ZSWIM6: variants seen among roughly 807,000 people sequenced by gnomAD.
ZSWIM6 encodes zinc finger SWIM domain-containing protein 6.
A neutral mutation model predicts 113.2 loss-of-function variants in ZSWIM6; 9 were observed. The ratio of observed to expected loss-of-function variants is 0.08; its 90% confidence interval spans 0.05 to 0.14. ZSWIM6 has a LOEUF of 0.14. Among genes scored for constraint, ZSWIM6 ranks in the 10% least tolerant of loss-of-function variants. The pLI, the probability that ZSWIM6 is intolerant of heterozygous loss-of-function variation, is 1.00. For missense variants in ZSWIM6, 1,162 were observed against 1,552.2 expected (o/e 0.75, Z 4.22); for synonymous variants, 611 against 606.5 (o/e 1.01, Z -0.11).
At chr5:61,361,775 T>C (rs1024219115) in intron 1 of ZSWIM6, among the ~76,000 whole-genome samples, 2 of 152,238 alleles carry the variant, frequency 1.3e-5, no homozygotes, top group African/African-American at 4.8e-5. Context: ...TATTCTATTA[T>C]ACTTTATGTT....
chr5:61,364,002 C>G (rs1579954480), intron 1 of ZSWIM6, among the ~76,000 whole-genome samples: 1 of 109,936 alleles, frequency 9.1e-6, no homozygotes, highest in Non-Finnish European at 1.8e-5. Context: ...TTCCTTCTTT[C>G]TTTTCTTTTC....
At chr5:61,350,496 G>A (rs2112038655) in intron 1 of ZSWIM6, among the ~76,000 whole-genome samples, 1 of 152,198 alleles carries the variant, frequency 6.6e-6, no homozygotes, top group Non-Finnish European at 1.5e-5. Context: ...CTATTCAGAC[G>A]AAAAGGAAGC....
intron 1 of ZSWIM6, among the ~76,000 whole-genome samples, chr5:61,453,628 G>C (rs1003410853): frequency 1.3e-5 from 2 of 151,768 alleles, no homozygotes; most frequent in Non-Finnish European, 1.5e-5. Flanking sequence ...CACTTGCCTT[G>C]ACCTCCCAAA....
intron 4 of ZSWIM6, among the ~76,000 whole-genome samples, chr5:61,504,263 C>T (rs1291147436): frequency 6.6e-6 from 1 of 152,180 alleles, no homozygotes; most frequent in Non-Finnish European, 1.5e-5. Context: ...CACATGCACT[C>T]TGAAATACAA....
At chr5:61,380,814 T>TTATGGGCC (rs1332437351) in intron 1 of ZSWIM6, among the ~76,000 whole-genome samples, 4 of 152,156 alleles carry the variant, frequency 2.6e-5, no homozygotes, top group African/African-American at 9.7e-5. Context: ...ATAAAATCAT[T>TTATGGGCC]TATGGGCCGG....
At chr5:61,412,978 A>T (rs1579983153) in intron 1 of ZSWIM6, among the ~76,000 whole-genome samples, 1 of 146,930 alleles carries the variant, frequency 6.8e-6, no homozygotes, top group Admixed American at 6.7e-5. Context: ...TTTTTTTTTT[A>T]TTTCACTATT....
At chr5:61,356,006 T>G (rs1744899711) in intron 1 of ZSWIM6, among the ~76,000 whole-genome samples, 1 of 152,250 alleles carries the variant, frequency 6.6e-6, no homozygotes, top group Non-Finnish European at 1.5e-5. Context: ...CAGTTATGAT[T>G]TGATTACATA....
At chr5:61,333,230 C>T (rs1013623698) in intron 1 of ZSWIM6, among the ~76,000 whole-genome samples, 3 of 151,930 alleles carry the variant, frequency 2.0e-5, no homozygotes, top group Admixed American at 6.5e-5. Context: ...CCCTACCCGC[C>T]CTCCTCCGGG....
chr5:61,373,193 C>T (rs1391146795), intron 1 of ZSWIM6, among the ~76,000 whole-genome samples: 1 of 151,926 alleles, frequency 6.6e-6, no homozygotes, highest in Non-Finnish European at 1.5e-5. Context: ...GCAGTCCTCC[C>T]ACCTTGGCCT....
rs1217183233 is a variant in ZSWIM6, at chr5:61,355,429, A to AAAACACAC, written c.676+22483_676+22490dup. Among the ~76,000 whole-genome samples the AAAACACAC allele has an allele frequency of 3.1e-4, 33 of 107,540 alleles. 1 individual carries two copies. Among genetic ancestry groups the AAAACACAC allele is most frequent in the South Asian group, 8.6e-4 (3 of 3,480 alleles). The allele number at this position is 107,540 out of a possible 152,430, so 70.6% of individuals were successfully genotyped here. On this transcript the variant is annotated intron_variant, in intron 1 of 13. Coordinates refer to ENST00000252744, the MANE Select transcript of ZSWIM6 (RefSeq NM_020928.2). Reference sequence around the variant, plus strand: ...CAGTGCGAATCTCTTGAGAGACTTTAAAACACACACACACACACACACACA... The same window carrying AAAACACAC: ...CAGTGCGAATCTCTTGAGAGACTTTAAAACACACAAACACACACACACACACACACACA...
chr5:61,445,263 G>T (rs1746926776), intron 1 of ZSWIM6, among the ~76,000 whole-genome samples: 1 of 152,198 alleles, frequency 6.6e-6, no homozygotes, highest in South Asian at 2.1e-4. Flanking sequence ...ACCAGTCTTG[G>T]AAATTCAGTA....
intron 1 of ZSWIM6, among the ~76,000 whole-genome samples, chr5:61,340,591 A>G (rs907947836): frequency 1.3e-5 from 2 of 152,200 alleles, no homozygotes; most frequent in Non-Finnish European, 2.9e-5. Flanking sequence ...AGATAACTTC[A>G]ATTTCAGTTT....
At chr5:61,537,041 A>G (rs543800375) in intron 10 of ZSWIM6, among the ~76,000 whole-genome samples, 1 of 152,310 alleles carries the variant, frequency 6.6e-6, no homozygotes, top group African/African-American at 2.4e-5. Flanking sequence ...AATCTTAGGA[A>G]TTCTAATCTT....
rs1426242277 is a variant in ZSWIM6 at position 61,332,701 on chromosome 5, CGGCGGCGGCGCG to C, written c.440_451del (p.Ala147_Gly150del). On this transcript the variant is annotated inframe_deletion, in exon 1 of 14. Coordinates refer to ENST00000252744, the MANE Select transcript of ZSWIM6 (RefSeq NM_020928.2). ...GCGGCCCCGGCGACGACAGCGGTGG[CGGCGGCGGCGCG>C]GGCGGCGGCGGCGGCGGCGGCTCCT... 136 of 975,184 alleles carry C rather than the reference CGGCGGCGGCGCG, an allele frequency of 1.4e-4. 1 individual carries two copies. In the African/African-American group the frequency reaches 2.2e-3, roughly 16 times the overall value. The allele number at this position is 975,184 out of a possible 1,614,324, so 60.4% of individuals were successfully genotyped here. A position where few individuals can be genotyped will look rare whatever the true frequency, so the allele number is the denominator to read the frequency against.
chr5:61,337,288 A>G (rs1363341704), intron 1 of ZSWIM6, among the ~76,000 whole-genome samples: 1 of 152,088 alleles, frequency 6.6e-6, no homozygotes, highest in African/African-American at 2.4e-5. Context: ...CCCCCCCCAA[A>G]AAAAACAAAA....
rs1744267178 is a variant in ZSWIM6, at chr5:61,332,345, G to A, written c.73G>A (p.Gly25Arg). ...CCGGCCGGGCGGCGGCGGCGGCGGC[G>A]GGGGCAGCAGCGGCGGCGGCGGCGG... is the stretch of plus-strand genomic sequence containing the variant. Reference protein sequence around the residue: ...CCRPGGGGGGGGSSGGGGGAG... With the variant: ...CCRPGGGGGGRGSSGGGGGAG... The change falls in exon 1 of 14, where the codon GGG becomes AGG. Residue 25 changes from glycine to arginine, a missense_variant. Physicochemically the swap from Gly to Arg is moderately radical, Grantham distance 125 (BLOSUM62 -2). This residue lies in a region of ZSWIM6 where 333 missense variants were observed against 293.4 expected (regional missense o/e 1.13). Transcript: ENST00000252744. 9.6e-6 allele frequency: 10 copies of A among 1,043,584 alleles called. No homozygotes were observed. The highest frequency in any genetic ancestry group is 1.7e-5 in the African/African-American group (1 of 58,758). The allele number at this position is 1,043,584 out of a possible 1,614,324, so 64.6% of individuals were successfully genotyped here.
At chr5:61,437,554 C>T (rs1746735895) in intron 1 of ZSWIM6, among the ~76,000 whole-genome samples, 1 of 151,850 alleles carries the variant, frequency 6.6e-6, no homozygotes, top group African/African-American at 2.4e-5. Context: ...AAAACCTGGT[C>T]TCTATAAAAA....
At chr5:61,504,826 A>C (rs1202933641) in intron 4 of ZSWIM6, among the ~76,000 whole-genome samples, 1 of 152,210 alleles carries the variant, frequency 6.6e-6, no homozygotes, top group Non-Finnish European at 1.5e-5. Context: ...AATAGGAGAC[A>C]AATTAACAAG....
rs145448666 is a variant in ZSWIM6, at chr5:61,356,328, G to A, written c.676+23380G>A. Among the ~76,000 whole-genome samples, 654 of 152,118 alleles carry A rather than the reference G, an allele frequency of 4.3e-3. 19 individuals are homozygous for A. The highest frequency in any genetic ancestry group is 0.04 in the Admixed American group (613 of 15,264). On this transcript the variant is annotated intron_variant, in intron 1 of 13. Transcript: ENST00000252744. ...ACTGTTTTTTATCTTAAATTTTAAG[G>A]CAGAAGAACCATCTGCCAATTGATT...
Sources: gnomAD v4.1 joint callset for allele counts (sites outside exome capture counted in the v4.1 genomes callset) on GRCh38, gnomAD v4.1.1 for gene constraint, gnomAD v4.1.1 regional missense constraint, MANE v1.5 for transcripts, NCBI Gene and HGNC (gene_info 2026-07-23, HGNC 2026-07-21) for gene names.